The following NMBR variants were observed in gnomAD, a reference collection of about 807,000 sequenced individuals.
NMBR encodes neuromedin B receptor, also known as neuromedin-B receptor.
Under a neutral mutation model 20.5 loss-of-function variants are expected in NMBR, and 16 were observed. The observed-to-expected ratio is 0.78, with a 90% CI of 0.53 to 1.19. The LOEUF (loss-of-function observed/expected upper bound fraction) is 1.19. NMBR is among the 50% of genes most tolerant of loss of function. The pLI is 0.00. For missense variants in NMBR, 582 were observed against 499.1 expected (o/e 1.17, Z -1.58); for synonymous variants, 212 against 196.6 (o/e 1.08, Z -0.65).
chr6:142,107,566 T>C (rs1400212130), intron 1 of NMBR, among the ~76,000 whole-genome samples: 1 of 152,186 alleles, frequency 6.6e-6, no homozygotes, highest in Non-Finnish European at 1.5e-5. Flanking sequence ...AAAATAGACA[T>C]TATTGAAATG....
chr6:142,137,610 C>T (rs1778285294), intron 1 of NMBR, among the ~76,000 whole-genome samples: 1 of 152,158 alleles, frequency 6.6e-6, no homozygotes, highest in South Asian at 2.1e-4. Flanking sequence ...TTTGCCCATT[C>T]AGTATGATAT....
At chr6:142,117,638 A>G (rs1777877893) in intron 1 of NMBR, among the ~76,000 whole-genome samples, 1 of 151,984 alleles carries the variant, frequency 6.6e-6, no homozygotes, top group Admixed American at 6.6e-5. Flanking sequence ...TTAATTAATT[A>G]ATCTGGAGTT....
chr6:142,125,504 T>C (rs1778015380), intron 1 of NMBR, among the ~76,000 whole-genome samples: 1 of 151,954 alleles, frequency 6.6e-6, no homozygotes, highest in Non-Finnish European at 1.5e-5. Flanking sequence ...CATATACACA[T>C]ATACATACAT....
At chr6:142,139,051 C>A (rs1233857014) in intron 1 of NMBR, among the ~76,000 whole-genome samples, 1 of 152,120 alleles carries the variant, frequency 6.6e-6, no homozygotes, top group Non-Finnish European at 1.5e-5. Context: ...TCTCAAAAAT[C>A]TTGAATTCTA....
chr6:142,087,969 G>A (rs1471966753), intron 2 of NMBR, among the ~76,000 whole-genome samples: 1 of 152,088 alleles, frequency 6.6e-6, no homozygotes, highest in Non-Finnish European at 1.5e-5. Flanking sequence ...AAGTGTCGGA[G>A]GTGGGACTAG....
chr6:142,086,509 G>A (rs1175518086), intron 2 of NMBR, among the ~76,000 whole-genome samples: 1 of 151,996 alleles, frequency 6.6e-6, no homozygotes, highest in Admixed American at 6.6e-5. Context: ...GTGAATCATG[G>A]AATATATTGC....
intron 1 of NMBR, among the ~76,000 whole-genome samples, chr6:142,094,293 T>G (rs1205776842): frequency 6.6e-6 from 1 of 152,154 alleles, no homozygotes; most frequent in Non-Finnish European, 1.5e-5. Flanking sequence ...GGTCTAACAT[T>G]TAAGTCTTTA....
intron 2 of NMBR, among the ~76,000 whole-genome samples, chr6:142,082,279 C>T (rs1051778052): frequency 6.6e-5 from 10 of 152,144 alleles, no homozygotes; most frequent in African/African-American, 2.2e-4. Context: ...TAATACACAA[C>T]ACAATGCCTG....
intron 1 of NMBR, among the ~76,000 whole-genome samples, chr6:142,100,014 C>A (rs79613555): frequency 6.6e-6 from 1 of 152,048 alleles, no homozygotes; most frequent in Admixed American, 6.6e-5. Context: ...ACAAGATACC[C>A]CTATACATTT....
chr6:142,087,574 A>G (rs1777222788), intron 2 of NMBR, among the ~76,000 whole-genome samples: 1 of 152,192 alleles, frequency 6.6e-6, no homozygotes, highest in Non-Finnish European at 1.5e-5. Context: ...TCACACCCTT[A>G]ACATATGTCA....
chr6:142,135,717 T>A (rs1405103854), intron 1 of NMBR, among the ~76,000 whole-genome samples: 1 of 150,722 alleles, frequency 6.6e-6, no homozygotes, highest in African/African-American at 2.4e-5. Flanking sequence ...CATTGTTCAA[T>A]TCCCATCTAT....
At chr6:142,079,736 A>G (rs1470915283) in intron 2 of NMBR, among the ~76,000 whole-genome samples, 1 of 152,178 alleles carries the variant, frequency 6.6e-6, no homozygotes, top group African/African-American at 2.4e-5. Context: ...ATAAGGACTG[A>G]AAAACTTGAA....
chr6:142,093,026 GA>G (rs1330995926), intron 1 of NMBR, among the ~76,000 whole-genome samples: 1 of 152,008 alleles, frequency 6.6e-6, no homozygotes, highest in Non-Finnish European at 1.5e-5. Flanking sequence ...TTGTAGTTAG[GA>G]AAAATTAACC....
intron 2 of NMBR, among the ~76,000 whole-genome samples, chr6:142,082,686 G>A (rs1428266748): frequency 6.6e-6 from 1 of 152,152 alleles, no homozygotes; most frequent in Non-Finnish European, 1.5e-5. Flanking sequence ...TTCCTGCAAG[G>A]TGCAGTGCAA....
intron 1 of NMBR, among the ~76,000 whole-genome samples, chr6:142,145,020 T>TGAA (rs71840613): frequency 1.0e-5 from 1 of 97,642 alleles, no homozygotes; most frequent in Non-Finnish European, 1.9e-5. Flanking sequence ...AGAACCTGTC[T>TGAA]AAAAAAAAAA....
rs568952078 is a variant in NMBR, at chr6:142,140,772, C to T, written c.-664+6272G>A. On this transcript the variant is annotated intron_variant, in intron 1 of 3. Transcript: ENST00000258042. Reference sequence around the variant, plus strand: ...CATGCAAATCCTAAGCATCAGAGAGCTCAATTGGCTATATTAATATGAGAA... The same window carrying T: ...CATGCAAATCCTAAGCATCAGAGAGTTCAATTGGCTATATTAATATGAGAA... Among the ~76,000 whole-genome samples, 8 of 152,008 alleles carry T rather than the reference C, an allele frequency of 5.3e-5. No homozygotes were observed. In the South Asian group the frequency reaches 1.5e-3, roughly 28 times the overall value.
At chr6:142,121,853 C>A (rs1777948189) in intron 1 of NMBR, among the ~76,000 whole-genome samples, 1 of 151,770 alleles carries the variant, frequency 6.6e-6, no homozygotes, top group East Asian at 1.9e-4. Context: ...TGAGACAGAC[C>A]AGGAATGGAG....
chr6:142,088,647 C>T lies in NMBR; in HGVS notation c.12G>A (p.Lys4=), dbSNP rs929597410. 2 of 1,600,908 alleles carry T rather than the reference C, an allele frequency of 1.2e-6. No homozygotes were observed. The highest frequency in any genetic ancestry group is 1.7e-6 in the Non-Finnish European group (2 of 1,178,442). MPS[K]SLSNLSVTTG... ...TGGTCACCGAGAGGTTGGAAAGAGA[C>T]TTAGAGGGCATGATCTCCTTTCCAG... is the stretch of plus-strand genomic sequence containing the variant. The change falls in exon 2 of 4, where the codon AAG becomes AAA. Residue 4 remains lysine (K), a synonymous_variant. Coordinates refer to ENST00000258042, the MANE Select transcript of NMBR (RefSeq NM_002511.4).
chr6:142,083,666 G>A (rs537479928), intron 2 of NMBR, among the ~76,000 whole-genome samples: 4 of 152,116 alleles, frequency 2.6e-5, no homozygotes, highest in South Asian at 2.1e-4. Flanking sequence ...GTTTGAAAGC[G>A]TGTAGCACTT....
Sources: gnomAD v4.1 joint callset for allele counts (sites outside exome capture counted in the v4.1 genomes callset) on GRCh38, gnomAD v4.1.1 for gene constraint, MANE v1.5 for transcripts, NCBI Gene and HGNC (gene_info 2026-07-23, HGNC 2026-07-21) for gene names.